PTPRN2: variants seen among roughly 807,000 people sequenced by gnomAD.
The protein encoded by PTPRN2 is receptor-type tyrosine-protein phosphatase N2.
PTPRN2 carries 74 observed loss-of-function variants against 118.8 expected under a neutral mutation model. The ratio of observed to expected loss-of-function variants is 0.62; its 90% confidence interval spans 0.52 to 0.76. The LOEUF (loss-of-function observed/expected upper bound fraction) is 0.76. PTPRN2 is among the 30% of genes least tolerant of loss of function. The pLI is 0.00. For missense variants in PTPRN2, 1,481 were observed against 1,394.4 expected (o/e 1.06, Z -0.99); for synonymous variants, 641 against 608.0 (o/e 1.05, Z -0.80).
At chr7:158,218,788 A>G (rs574051673) in intron 3 of PTPRN2, among the ~76,000 whole-genome samples, 1 of 152,286 alleles carries the variant, frequency 6.6e-6, no homozygotes, top group South Asian at 2.1e-4. Context: ...TGCTATTCTT[A>G]TATCAGATGA....
chr7:158,072,059 G>A lies in PTPRN2; in HGVS notation c.1723+9239C>T, dbSNP rs545372601. ...GGTGCTCGTGGTGGTGGAGGTTCCC[G>A]TGGTGGTGGAGGTGCTCGTGGTGGT... On this transcript the variant is annotated intron_variant, in intron 11 of 22. Transcript: ENST00000389418. 3.5e-4 allele frequency among the ~76,000 whole-genome samples: 47 copies of A among 132,962 alleles called. No individual in the cohort carries two copies. The East Asian group carries it at 4.4e-3, about 13-fold the overall frequency. 87.2% of individuals were successfully genotyped at this position (132,962 alleles called of 152,430 possible).
At chr7:157,777,218 T>C (rs547442774) in intron 12 of PTPRN2, among the ~76,000 whole-genome samples, 1 of 152,328 alleles carries the variant, frequency 6.6e-6, no homozygotes, top group Non-Finnish European at 1.5e-5. Context: ...TTCAAACAGA[T>C]CCACAAATTC....
intron 2 of PTPRN2, among the ~76,000 whole-genome samples, chr7:158,389,203 A>G (rs1337407608): frequency 6.6e-6 from 1 of 152,236 alleles, no homozygotes; most frequent in Non-Finnish European, 1.5e-5. Flanking sequence ...GCCACACCAC[A>G]CTTCAGTGAG....
intron 2 of PTPRN2, among the ~76,000 whole-genome samples, chr7:158,371,650 GCA>G: frequency 6.6e-6 from 1 of 152,212 alleles, no homozygotes; most frequent in Non-Finnish European, 1.5e-5. Context: ...TCTCAAAAAT[GCA>G]CACACCAAGT....
At chr7:157,546,808 C>T (rs1563201300) in intron 22 of PTPRN2, among the ~76,000 whole-genome samples, 1 of 152,238 alleles carries the variant, frequency 6.6e-6, no homozygotes, top group Non-Finnish European at 1.5e-5. Context: ...CCCAAAGCAC[C>T]TCACTTCACG....
At chr7:157,614,353 T>C (rs1449390168) in intron 15 of PTPRN2, among the ~76,000 whole-genome samples, 2 of 152,072 alleles carry the variant, frequency 1.3e-5, no homozygotes, top group Non-Finnish European at 2.9e-5. Context: ...CCCTACAGAC[T>C]TCCACATGGA....
Position 157,656,560 on chromosome 7 carries a change from CAG to C in PTPRN2, c.2002-11_2002-10del, listed in dbSNP as rs773211751. The C allele has an allele frequency of 7.2e-6, 11 of 1,531,510 alleles. No homozygotes were observed. The highest frequency in any genetic ancestry group is 7.1e-5 in the South Asian group (6 of 83,976). 94.9% of individuals were successfully genotyped at this position (1,531,510 alleles called of 1,614,324 possible). ...CGCTGGCGGCACAGCTCCTGCAGGACAGGGGGAGGAAGAGCAGGGGGTTAGTG... is the reference window on the plus strand; with the variant it reads ...CGCTGGCGGCACAGCTCCTGCAGGACGGGGAGGAAGAGCAGGGGGTTAGTG... On this transcript the variant is annotated splice_polypyrimidine_tract_variant and intron_variant, in intron 13 of 22. Transcript: ENST00000389418.
intron 12 of PTPRN2, among the ~76,000 whole-genome samples, chr7:157,834,075 C>T (rs553384624): frequency 3.3e-5 from 5 of 152,232 alleles, no homozygotes; most frequent in Admixed American, 6.5e-5. Context: ...CAGCAGCATT[C>T]CCTGTGATCA....
intron 2 of PTPRN2, among the ~76,000 whole-genome samples, chr7:158,411,925 C>A (rs1390923026): frequency 5.9e-5 from 9 of 152,036 alleles, no homozygotes; most frequent in African/African-American, 2.2e-4. Flanking sequence ...CATGCGTGGG[C>A]CAAGAACACA....
At chr7:158,523,685 GTCT>G (rs1291393071) in intron 1 of PTPRN2, among the ~76,000 whole-genome samples, 4 of 134,596 alleles carry the variant, frequency 3.0e-5, no homozygotes, top group Admixed American at 1.5e-4. Flanking sequence ...GAGCGGAGTC[GTCT>G]GCCCTGGAGT....
In PTPRN2 at chr7:158,525,599, GTAT is replaced by G. The variant is rs1438681979; in HGVS notation, c.113-35817_113-35815del. 1.3e-5 allele frequency among the ~76,000 whole-genome samples: 2 copies of G among 152,232 alleles called. No homozygotes were observed. The highest frequency in any genetic ancestry group is 2.9e-5 in the Non-Finnish European group (2 of 68,040). ...CTCCTGAGAGGTCCTACGGGATGGAGTATTAATAGTGCCGTGTTTAATTATTAT... is the reference window on the plus strand; with the variant it reads ...CTCCTGAGAGGTCCTACGGGATGGAGTAATAGTGCCGTGTTTAATTATTAT... On this transcript the variant is annotated intron_variant, in intron 1 of 22. Coordinates refer to ENST00000389418, the MANE Select transcript of PTPRN2 (RefSeq NM_002847.5). This position sits in a 1 kb window ranked among gnomAD's most constrained non-coding sequence, Gnocchi z 4.1.
intron 4 of PTPRN2, among the ~76,000 whole-genome samples, chr7:158,200,530 C>A (rs1431131710): frequency 6.6e-6 from 1 of 152,142 alleles, no homozygotes; most frequent in Admixed American, 6.5e-5. Context: ...ACAATTGACA[C>A]ATTTTTACCT....
intron 12 of PTPRN2, chr7:157,863,092 C>T (rs1246919876): frequency 6.6e-6 from 1 of 152,394 alleles, no homozygotes; most frequent in African/African-American, 2.4e-5. Flanking sequence ...CCTGGACACA[C>T]CTGGGGATTC....
intron 2 of PTPRN2, among the ~76,000 whole-genome samples, chr7:158,391,996 G>A (rs1811966082): frequency 6.6e-6 from 1 of 152,234 alleles, no homozygotes; most frequent in African/African-American, 2.4e-5. Flanking sequence ...GCTTCAGGAG[G>A]GACCGTTTGC....
intron 11 of PTPRN2, among the ~76,000 whole-genome samples, chr7:158,036,246 G>GA (rs201066771): frequency 1.0e-3 from 158 of 151,460 alleles, no homozygotes; most frequent in Non-Finnish European, 2.0e-3. Flanking sequence ...TCATTTTTAG[G>GA]AAAAAAAACA....
At chr7:158,077,073 G>A (rs1812417244) in intron 11 of PTPRN2, among the ~76,000 whole-genome samples, 2 of 152,242 alleles carry the variant, frequency 1.3e-5, no homozygotes, top group African/African-American at 4.8e-5. Context: ...CTTTATGAGA[G>A]GCCAGAAGCC....
intron 5 of PTPRN2, among the ~76,000 whole-genome samples, chr7:158,170,869 T>A (rs1040968681): frequency 6.6e-6 from 1 of 152,076 alleles, no homozygotes; most frequent in Non-Finnish European, 1.5e-5. Context: ...ATTTAAGTAA[T>A]CTGTAAAACA....
rs1400461473 is a variant in PTPRN2 at position 158,406,086 on chromosome 7, CAT to C, written c.163+83647_163+83648del. Among the ~76,000 whole-genome samples the C allele has an allele frequency of 8.7e-4, 69 of 79,582 alleles. 9 individuals carry two copies. Among genetic ancestry groups the C allele is most frequent in the African/African-American group, 3.6e-3 (61 of 17,016 alleles). 52.2% of individuals were successfully genotyped at this position (79,582 alleles called of 152,430 possible). ...CACTGAGATCCCGCAGTGGCTCATC[CAT>C]GAGACACGTGGCCGCACACTGAGAT... On this transcript the variant is annotated intron_variant, in intron 2 of 22. Coordinates refer to ENST00000389418, the MANE Select transcript of PTPRN2 (RefSeq NM_002847.5).
intron 1 of PTPRN2, among the ~76,000 whole-genome samples, chr7:158,513,903 C>T (rs886640872): frequency 6.6e-6 from 1 of 152,150 alleles, no homozygotes; most frequent in African/African-American, 2.4e-5. Flanking sequence ...AAAAATTATA[C>T]AAGTTATGGG....
Sources: gnomAD v4.1 joint callset for allele counts (sites outside exome capture counted in the v4.1 genomes callset) on GRCh38, gnomAD v4.1.1 for gene constraint, Gnocchi (gnomAD v3.1) non-coding constraint, MANE v1.5 for transcripts, NCBI Gene and HGNC (gene_info 2026-07-23, HGNC 2026-07-21) for gene names.